The following RNF152 variants were observed in gnomAD, a reference collection of about 807,000 sequenced individuals.
The protein encoded by RNF152 is E3 ubiquitin-protein ligase RNF152.
In RNF152, 11 loss-of-function variants were observed where a neutral mutation model predicts 12.7. The observed-to-expected ratio is 0.86, with a 90% CI of 0.54 to 1.43. The LOEUF (loss-of-function observed/expected upper bound fraction) is 1.43, where lower values mean the gene tolerates loss of function less well. Ranked by LOEUF, RNF152 falls within the 40% of genes most tolerant of loss-of-function variation. The pLI is 0.00. For missense variants in RNF152, 255 were observed against 274.8 expected, an observed-to-expected ratio of 0.93 and a Z score of 0.51; for synonymous variants, 113 against 120.3, an observed-to-expected ratio of 0.94 and a Z score of 0.40.
chr18:61,857,779 C>A (rs973958981), intron 1 of RNF152, among the ~76,000 whole-genome samples: 8 of 152,222 alleles, frequency 5.3e-5, no homozygotes, highest in African/African-American at 1.9e-4. Context: ...CACAAAACAT[C>A]TTTCAGCCTC....
chr18:61,875,800 G>A (rs1894114318), intron 1 of RNF152, among the ~76,000 whole-genome samples: 1 of 151,800 alleles, frequency 6.6e-6, no homozygotes, highest in Admixed American at 6.6e-5. Context: ...TCCCATTCCT[G>A]CCACCCTCCC....
chr18:61,824,343 T>C (rs564818644), intron 1 of RNF152, among the ~76,000 whole-genome samples: 64 of 152,314 alleles, frequency 4.2e-4, no homozygotes, highest in African/African-American at 1.5e-3. Flanking sequence ...CTAGTAAAAA[T>C]ATTCTATGAC....
At chr18:61,825,100 A>G (rs1329704411) in intron 1 of RNF152, among the ~76,000 whole-genome samples, 1 of 152,232 alleles carries the variant, frequency 6.6e-6, no homozygotes, top group Non-Finnish European at 1.5e-5. Flanking sequence ...CAGCTGCTGA[A>G]CAGCTACAAA....
intron 1 of RNF152, among the ~76,000 whole-genome samples, chr18:61,847,459 T>A (rs190380908): frequency 6.6e-6 from 1 of 152,208 alleles, no homozygotes; most frequent in Admixed American, 6.5e-5. Flanking sequence ...TTCCCGCAAG[T>A]GTCCTTGAAT....
At chr18:61,844,085 A>AG (rs1910596128) in intron 1 of RNF152, among the ~76,000 whole-genome samples, 65 of 69,620 alleles carry the variant, frequency 9.3e-4, no homozygotes, top group Middle Eastern at 7.0e-3. Context: ...AAGGAAAGAA[A>AG]GAAAGAAAGA....
At chr18:61,892,171 A>G (rs1342364158) in intron 1 of RNF152, among the ~76,000 whole-genome samples, 1 of 152,212 alleles carries the variant, frequency 6.6e-6, no homozygotes, top group Non-Finnish European at 1.5e-5. Flanking sequence ...ATGAGAGTCT[A>G]CTGGTTCATG....
intron 1 of RNF152, among the ~76,000 whole-genome samples, chr18:61,885,996 T>C (rs891699448): frequency 1.3e-4 from 19 of 143,530 alleles, no homozygotes; most frequent in African/African-American, 4.7e-4. Context: ...TTTTTTTTTT[T>C]TTTTTTTTTT....
At position 61,815,055 on chromosome 18, in the gene RNF152, C is replaced by T. The variant is rs1908996955; in HGVS notation, c.*797G>A. 1 of 152,614 alleles carries T rather than the reference C, an allele frequency of 6.6e-6. No homozygotes were observed. Among genetic ancestry groups the T allele is most frequent in the Non-Finnish European group, 1.5e-5 (1 of 68,052 alleles). The allele number at this position is 152,614 out of a possible 1,614,324, so 9.5% of individuals were successfully genotyped here. On this transcript the variant is annotated 3_prime_UTR_variant, in exon 2 of 2. Transcript: ENST00000312828. Reference sequence around the variant, plus strand: ...AATTAGACACACACACATACACACACAAATACACAATATTTACATTTGAAA... The same window carrying T: ...AATTAGACACACACACATACACACATAAATACACAATATTTACATTTGAAA...
At chr18:61,853,962 T>C (rs1911103060) in intron 1 of RNF152, among the ~76,000 whole-genome samples, 1 of 152,086 alleles carries the variant, frequency 6.6e-6, no homozygotes, top group Admixed American at 6.5e-5. Context: ...CCTGCCCATT[T>C]TTCAACTGAG....
At chr18:61,837,258 G>A (rs560538009) in intron 1 of RNF152, among the ~76,000 whole-genome samples, 7 of 152,146 alleles carry the variant, frequency 4.6e-5, no homozygotes, top group Non-Finnish European at 8.8e-5. Flanking sequence ...AAGAGACTAC[G>A]GAGATGAGGA....
intron 1 of RNF152, among the ~76,000 whole-genome samples, chr18:61,857,970 G>C (rs774610682): frequency 9.9e-5 from 15 of 152,186 alleles, no homozygotes; most frequent in South Asian, 6.2e-4. Flanking sequence ...GTGGGGATGG[G>C]TTTAGCTTTA....
At chr18:61,857,919 T>A (rs1295257054) in intron 1 of RNF152, among the ~76,000 whole-genome samples, 1 of 152,034 alleles carries the variant, frequency 6.6e-6, no homozygotes, top group South Asian at 2.1e-4. Flanking sequence ...ACTAAAACAA[T>A]AACAACAGGA....
At chr18:61,860,908 T>C (rs544504993) in intron 1 of RNF152, among the ~76,000 whole-genome samples, 40 of 152,150 alleles carry the variant, frequency 2.6e-4, no homozygotes, top group African/African-American at 9.6e-4. Flanking sequence ...AAAAAATGTT[T>C]AAAAGGTAAA....
At chr18:61,828,430 A>T (rs182709630) in intron 1 of RNF152, among the ~76,000 whole-genome samples, 51 of 151,286 alleles carry the variant, frequency 3.4e-4, no homozygotes, top group Non-Finnish European at 3.0e-5. Flanking sequence ...TTTCCAAAAA[A>T]CATTTTTTTG....
At chr18:61,870,230 G>A (rs141191958) in intron 1 of RNF152, among the ~76,000 whole-genome samples, 211 of 152,258 alleles carry the variant, frequency 1.4e-3, no homozygotes, top group Non-Finnish European at 2.5e-3. Flanking sequence ...GGAGCTTTTG[G>A]TGGTCAAATC....
At chr18:61,837,117 G>A (rs12970913) in intron 1 of RNF152, among the ~76,000 whole-genome samples, 9,793 of 152,184 alleles carry the variant, frequency 0.064, 761 homozygotes, top group East Asian at 0.41. Context: ...GAAGTATCAC[G>A]CCTAAATGTT....
intron 1 of RNF152, among the ~76,000 whole-genome samples, chr18:61,824,840 A>G (rs915976368): frequency 6.6e-6 from 1 of 152,214 alleles, no homozygotes; most frequent in African/African-American, 2.4e-5. Flanking sequence ...GTGACAGTCA[A>G]GAAAAAGTTG....
chr18:61,864,286 C>T (rs180816122), intron 1 of RNF152, among the ~76,000 whole-genome samples: 33 of 152,320 alleles, frequency 2.2e-4, no homozygotes, highest in Non-Finnish European at 4.4e-5. Flanking sequence ...GGGTTTCTCA[C>T]AACCCCCTCT....
chr18:61,855,520 G>A (rs916329809), intron 1 of RNF152, among the ~76,000 whole-genome samples: 15 of 152,344 alleles, frequency 9.8e-5, no homozygotes, highest in Admixed American at 3.3e-4. Flanking sequence ...GGGTGCCACC[G>A]TGTTCTCATC....
Sources: allele counts gnomAD v4.1 joint callset (sites outside exome capture counted in the v4.1 genomes callset), GRCh38; gene constraint gnomAD v4.1.1; transcripts MANE v1.5; gene names NCBI Gene and HGNC (gene_info 2026-07-23, HGNC 2026-07-21).